INPP5A: variants seen among roughly 807,000 people sequenced by gnomAD.
The protein encoded by INPP5A is inositol polyphosphate-5-phosphatase A, also known as 43 kDa inositol polyphosphate 5-phophatase.
A neutral mutation model predicts 65.2 loss-of-function variants in INPP5A; 14 were observed. The ratio of observed to expected loss-of-function variants is 0.21; its 90% CI spans 0.14 to 0.34. INPP5A has a LOEUF of 0.34. Ranked by LOEUF, INPP5A falls within the 10% of genes least tolerant of loss-of-function variation. The pLI, the probability that INPP5A is intolerant of heterozygous loss-of-function variation, is 1.00. For missense variants in INPP5A, 431 were observed against 545.6 expected, an observed-to-expected ratio of 0.79 and a Z score of 2.09; for synonymous variants, 207 against 208.3, an observed-to-expected ratio of 0.99 and a Z score of 0.05.
In INPP5A at chr10:132,704,574, G is replaced by A. The variant is rs116708754; in HGVS notation, c.475-3739G>A. ...TCCTTGTACCCGAGGCCCCACAGCTGGGACTTGAACCTGGCAGCCTGGCAG... is the reference window on the plus strand; with the variant it reads ...TCCTTGTACCCGAGGCCCCACAGCTAGGACTTGAACCTGGCAGCCTGGCAG... On this transcript the variant is annotated intron_variant, in intron 6 of 15. Coordinates refer to ENST00000368594, the MANE Select transcript of INPP5A (RefSeq NM_005539.5). This position sits in a 1 kb window ranked among gnomAD's most constrained non-coding sequence, Gnocchi z 4.5. 4.4e-3 allele frequency among the ~76,000 whole-genome samples: 676 copies of A among 152,338 alleles called. 3 individuals carry two copies. Among genetic ancestry groups the A allele is most frequent in the African/African-American group, 0.016 (646 of 41,576 alleles).
chr10:132,654,843 G>A (rs1203341809), intron 4 of INPP5A, among the ~76,000 whole-genome samples: 1 of 152,274 alleles, frequency 6.6e-6, no homozygotes, highest in East Asian at 1.9e-4. Context: ...GAGCCTGTGG[G>A]GGGGACGCGG....
At chr10:132,553,811 T>G (rs1263964205) in intron 1 of INPP5A, among the ~76,000 whole-genome samples, 1 of 144,488 alleles carries the variant, frequency 6.9e-6, no homozygotes, top group African/African-American at 2.6e-5. Flanking sequence ...AGAGCCTTGG[T>G]GGAATATTGG....
intron 1 of INPP5A, among the ~76,000 whole-genome samples, chr10:132,570,736 G>A (rs1377393061): frequency 6.6e-6 from 1 of 152,148 alleles, no homozygotes; most frequent in African/African-American, 2.4e-5. Flanking sequence ...CCATTTGGAA[G>A]TGGTGGCTGG....
intron 2 of INPP5A, among the ~76,000 whole-genome samples, chr10:132,629,832 G>T (rs944347494): frequency 5.3e-5 from 8 of 152,126 alleles, no homozygotes; most frequent in Non-Finnish European, 1.0e-4. Flanking sequence ...TGAGGGAGGG[G>T]TGTCCACAAG....
chr10:132,541,350 G>A (rs908820385), intron 1 of INPP5A, among the ~76,000 whole-genome samples: 7 of 152,114 alleles, frequency 4.6e-5, no homozygotes, highest in African/African-American at 1.7e-4. Flanking sequence ...GGATCCACAC[G>A]GAATCTCACT....
chr10:132,764,926 G>A (rs1846813551), intron 11 of INPP5A, among the ~76,000 whole-genome samples: 1 of 149,150 alleles, frequency 6.7e-6, no homozygotes, highest in African/African-American at 2.5e-5. Context: ...CTGCAGGGGT[G>A]GGAGGGTGTG....
rs59953947 is a variant in INPP5A at position 132,606,291 on chromosome 10, C to T, written c.76-1624C>T. On this transcript the variant is annotated intron_variant, in intron 1 of 15. Transcript: ENST00000368594. ...TCCCCTCCTGCCGGGTCCTCAGTGG[C>T]GGGACAGCGGCGTGGGTCAGTCGCC... 2.9e-3 allele frequency among the ~76,000 whole-genome samples: 438 copies of T among 151,500 alleles called. 2 individuals carry two copies. The highest frequency in any genetic ancestry group is 0.01 in the African/African-American group (419 of 41,334).
At position 132,675,717 on chromosome 10, in the gene INPP5A, AG is replaced by A. The variant is rs773415839; in HGVS notation, c.307-14673del. ...TAGCATTTCTGGGGACCGGGAACTA[AG>A]GTAAATTATTTGAAACAGAAGTAGA... is the stretch of plus-strand genomic sequence containing the variant. On this transcript the variant is annotated intron_variant, in intron 4 of 15. Coordinates refer to ENST00000368594, the MANE Select transcript of INPP5A (RefSeq NM_005539.5). This position sits in a 1 kb window ranked among gnomAD's most constrained non-coding sequence, Gnocchi z 4.2. 2.0e-4 allele frequency among the ~76,000 whole-genome samples: 31 copies of A among 152,334 alleles called. No individual in the cohort carries two copies. Among genetic ancestry groups the A allele is most frequent in the Middle Eastern group, 6.8e-3 (2 of 294 alleles).
chr10:132,772,360 A>ACAGAGGCCACGGCAGCCACCCCACGAG (rs1846969260), intron 12 of INPP5A, among the ~76,000 whole-genome samples: 1 of 95,202 alleles, frequency 1.1e-5, no homozygotes, highest in African/African-American at 3.9e-5. Context: ...CACCCCATGA[A>ACAGAGGCCACGGCAGCCACCCCACGAG]GAGTGGGACG....
intron 1 of INPP5A, among the ~76,000 whole-genome samples, chr10:132,579,390 T>G (rs1172141408): frequency 6.6e-6 from 1 of 152,020 alleles, no homozygotes; most frequent in African/African-American, 2.4e-5. Flanking sequence ...CCCGCCCCAG[T>G]ACTGTGGTGA....
chr10:132,602,387 T>C (rs2814456), intron 1 of INPP5A, among the ~76,000 whole-genome samples: 38,065 of 152,100 alleles, frequency 0.25, 5,528 homozygotes, highest in East Asian at 0.5. Context: ...CCTCTGCCTC[T>C]GGATTCGGGT....
At chr10:132,748,357 C>T (rs1304581767) in intron 9 of INPP5A, among the ~76,000 whole-genome samples, 5 of 152,246 alleles carry the variant, frequency 3.3e-5, no homozygotes, top group Non-Finnish European at 7.3e-5. Flanking sequence ...GCCATGAGCA[C>T]GGGCCCTCGC....
chr10:132,713,996 G>A (rs891416596), intron 8 of INPP5A, among the ~76,000 whole-genome samples: 2 of 152,144 alleles, frequency 1.3e-5, no homozygotes, highest in Middle Eastern at 3.2e-3. Flanking sequence ...GGTTCTTCCT[G>A]CCTGATCAGC....
intron 6 of INPP5A, among the ~76,000 whole-genome samples, chr10:132,700,373 C>T (rs1361974268): frequency 2.6e-5 from 4 of 152,206 alleles, no homozygotes; most frequent in Admixed American, 6.5e-5. Flanking sequence ...CCCTGTGGGT[C>T]AGGGCCAGCC....
chr10:132,631,715 C>T (rs1007893402), intron 2 of INPP5A, among the ~76,000 whole-genome samples: 2 of 152,248 alleles, frequency 1.3e-5, no homozygotes, highest in African/African-American at 2.4e-5. Flanking sequence ...CCCCGCTCCG[C>T]GGCAGAAGCA....
chr10:132,651,207 C>T lies in INPP5A; in HGVS notation c.306+702C>T, dbSNP rs769334473. On this transcript the variant is annotated intron_variant, in intron 4 of 15. Transcript: ENST00000368594. The surrounding 1 kb of genome is among the most constrained non-coding windows in gnomAD (Gnocchi z 5.0). ...GTTCAGAGACCCACGTCTTAAATCCCGTCTTTATGCCCTGGGTCCCCCGGC... is the reference window on the plus strand; with the variant it reads ...GTTCAGAGACCCACGTCTTAAATCCTGTCTTTATGCCCTGGGTCCCCCGGC... 5.3e-5 allele frequency among the ~76,000 whole-genome samples: 8 copies of T among 152,268 alleles called. No homozygotes were observed. The highest frequency in any genetic ancestry group is 1.9e-4 in the East Asian group (1 of 5,172).
At chr10:132,612,505 G>A (rs1443135969) in intron 2 of INPP5A, among the ~76,000 whole-genome samples, 1 of 152,020 alleles carries the variant, frequency 6.6e-6, no homozygotes, top group Non-Finnish European at 1.5e-5. Context: ...GGTTCGGGGA[G>A]GCTGTGCAGG....
At position 132,554,672 on chromosome 10, in the gene INPP5A, G is replaced by A. The variant is rs73395337; in HGVS notation, c.75+16501G>A. 8.2e-3 allele frequency among the ~76,000 whole-genome samples: 1,217 copies of A among 148,016 alleles called. 11 individuals carry two copies. Among genetic ancestry groups the A allele is most frequent in the African/African-American group, 0.029 (1,158 of 40,262 alleles). Reference sequence around the variant, plus strand: ...GGTCCATGTGGGTAGTATAGGTGGCGTGGTATTGTGTGTGGCATGATTGCT... The same window carrying A: ...GGTCCATGTGGGTAGTATAGGTGGCATGGTATTGTGTGTGGCATGATTGCT... On this transcript the variant is annotated intron_variant, in intron 1 of 15. Coordinates refer to ENST00000368594, the MANE Select transcript of INPP5A (RefSeq NM_005539.5).
chr10:132,688,692 CAT>C (rs1845191957), intron 4 of INPP5A, among the ~76,000 whole-genome samples: 7 of 148,862 alleles, frequency 4.7e-5, no homozygotes, highest in South Asian at 2.1e-4. Flanking sequence ...TGCATGAGTG[CAT>C]GTGTGTGCAA....
Sources: allele counts gnomAD v4.1 joint callset (sites outside exome capture counted in the v4.1 genomes callset), GRCh38; gene constraint gnomAD v4.1.1; non-coding constraint Gnocchi (gnomAD v3.1); transcripts MANE v1.5; gene names NCBI Gene and HGNC (gene_info 2026-07-23, HGNC 2026-07-21).